SORT1: variants seen among roughly 807,000 people sequenced by gnomAD.
SORT1 encodes the protein sortilin.
SORT1 carries 39 observed loss-of-function variants against 101.7 expected under a neutral mutation model. The observed-to-expected ratio is 0.38, with a 90% CI of 0.30 to 0.50. SORT1 has a LOEUF of 0.50. Ranked by LOEUF, SORT1 falls within the 20% of genes least tolerant of loss-of-function variation. The pLI is 0.90. For missense variants in SORT1, 878 were observed against 1,040.4 expected (o/e 0.84, Z 2.15); for synonymous variants, 396 against 393.7 (o/e 1.01, Z -0.07).
chr1:109,366,992 G>A (rs1280606096), intron 3 of SORT1: 1 of 154,606 alleles, frequency 6.5e-6, no homozygotes, highest in African/African-American at 2.4e-5. Flanking sequence ...AGCACTTTTG[G>A]AGGCAGGTGG....
In SORT1 at chr1:109,324,895, T is replaced by C; in HGVS notation, c.1834+4A>G. The C allele has an allele frequency of 6.3e-7, 1 of 1,584,492 alleles. No individual in the cohort carries two copies. The highest frequency in any genetic ancestry group is 8.6e-7 in the Non-Finnish European group (1 of 1,157,594). Reference sequence around the variant, plus strand: ...TGGTAGAAAAGGTCAAAGGAGACACTCACAGTTCCTTTCAAGGATATCTTT... The same window carrying C: ...TGGTAGAAAAGGTCAAAGGAGACACCCACAGTTCCTTTCAAGGATATCTTT... On this transcript the variant is annotated splice_donor_region_variant and intron_variant, in intron 14 of 19. Transcript: ENST00000256637.
chr1:109,355,442 A>T lies in SORT1; in HGVS notation c.468T>A (p.Asp156Glu), dbSNP rs1330419948. Residue 156 changes from aspartate to glutamate, a missense_variant, in exon 4 of 20, where the codon GAT (aspartate) becomes GAA (glutamate). Transcript: ENST00000256637. ...RSEDYGKNFK[D>E]ITDLINNTFI... is the part of the protein sequence containing the mutation. ...AGGTGTTATTGATGAGATCTGTAAT[A>T]TCCTTAAAGTTCTTCCCATAATCCT... 3.1e-6 allele frequency: 5 copies of T among 1,597,656 alleles called. No homozygotes were observed. The highest frequency in any genetic ancestry group is 1.3e-5 in the African/African-American group (1 of 74,734).
intron 1 of SORT1, among the ~76,000 whole-genome samples, chr1:109,376,330 CAAA>C (rs35117356): frequency 8.5e-5 from 8 of 93,744 alleles, no homozygotes; most frequent in Non-Finnish European, 1.3e-4. Flanking sequence ...GACTCCATCT[CAAA>C]AAAAAAAAAA....
In SORT1 at chr1:109,342,138, G is replaced by A. The variant is rs765717842; in HGVS notation, c.984C>T (p.His328=). ...ATGTGTCCCCTTGATCTGTTGAAAC[G>A]TGGATCCTTCTTGTTGTATCCTAGA... ...MADKDTTRRI[H]VSTDQGDTWS... Residue 328 remains histidine (H), a synonymous_variant, in exon 9 of 20, where the codon CAC becomes CAT. Coordinates refer to ENST00000256637, the MANE Select transcript of SORT1 (RefSeq NM_002959.7). The A allele has an allele frequency of 3.1e-5, 50 of 1,612,422 alleles. No homozygotes were observed. The highest frequency in any genetic ancestry group is 4.1e-5 in the Non-Finnish European group (48 of 1,178,648).
At chr1:109,352,664 T>C (rs1650043847) in intron 5 of SORT1, among the ~76,000 whole-genome samples, 1 of 152,208 alleles carries the variant, frequency 6.6e-6, no homozygotes, top group Middle Eastern at 3.2e-3. Context: ...CATTTCTAAT[T>C]TACCTAATTC....
At chr1:109,393,293 A>T (rs920668284) in intron 1 of SORT1, 9 of 985,154 alleles carry the variant, frequency 9.1e-6, no homozygotes, top group Admixed American at 1.2e-4. Context: ...AGAAGTAGTT[A>T]GTGACAGGAG....
At position 109,347,480 on chromosome 1, in the gene SORT1, T is replaced by C; in HGVS notation, c.832+3A>G. ...TTATTTTCTGGGACTAAAATATACT[T>C]ACTGCAGGAGCCATTTGCATAGGTT... On this transcript the variant is annotated splice_donor_region_variant and intron_variant, in intron 7 of 19. Transcript: ENST00000256637. The C allele has an allele frequency of 6.2e-7, 1 of 1,602,740 alleles. No individual in the cohort carries two copies. The highest frequency in any genetic ancestry group is 8.5e-7 in the Non-Finnish European group (1 of 1,169,788).
chr1:109,366,480 T>C (rs951405764), intron 3 of SORT1, among the ~76,000 whole-genome samples: 2 of 152,226 alleles, frequency 1.3e-5, no homozygotes, highest in African/African-American at 4.8e-5. Flanking sequence ...CACAAATAAA[T>C]ATCCATATAA....
At chr1:109,374,050 C>G (rs1368518606) in intron 1 of SORT1, among the ~76,000 whole-genome samples, 1 of 152,152 alleles carries the variant, frequency 6.6e-6, no homozygotes, top group Non-Finnish European at 1.5e-5. Flanking sequence ...GATCATACCA[C>G]TGCACTCCAG....
In SORT1 at chr1:109,397,734, G is replaced by C. The variant is rs941935689; in HGVS notation, c.159C>G (p.Pro53=). Residue 53 remains proline, a synonymous_variant, in exon 1 of 20, where the codon CCC becomes CCG. Coordinates refer to ENST00000256637, the MANE Select transcript of SORT1 (RefSeq NM_002959.7). ...PAAPLPRWSG[P]IGVSWGLRAA... is the part of the protein sequence containing the mutation. ...CCCGCAGCCCCCAGCTCACCCCGAT[G>C]GGGCCAGACCAGCGCGGCAGCGGCG... 1 of 1,192,990 alleles carries C rather than the reference G, an allele frequency of 8.4e-7. No individual in the cohort carries two copies. The highest frequency in any genetic ancestry group is 4.7e-5 in the Admixed American group (1 of 21,056). 73.9% of individuals were successfully genotyped at this position (1,192,990 alleles called of 1,614,324 possible).
At chr1:109,345,471 C>T (rs1382952795) in intron 8 of SORT1, among the ~76,000 whole-genome samples, 2 of 151,470 alleles carry the variant, frequency 1.3e-5, no homozygotes, top group South Asian at 2.1e-4. Context: ...GCCGAGATTG[C>T]GTCACTGCAC....
intron 17 of SORT1, 63 bp from the exon 18 acceptor site, chr1:109,314,841 G>A (rs532598898): frequency 3.8e-5 from 32 of 843,956 alleles, no homozygotes; most frequent in East Asian, 1.8e-4. Flanking sequence ...CTGAGGTCAA[G>A]GCAGCCACTC....
At position 109,317,899 on chromosome 1, in the gene SORT1, G is replaced by A. The variant is rs775409345; in HGVS notation, c.2095C>T (p.Leu699=). 37 of 1,614,004 alleles carry A rather than the reference G, an allele frequency of 2.3e-5. No individual in the cohort carries two copies. Among genetic ancestry groups the A allele is most frequent in the Non-Finnish European group, 2.9e-5 (34 of 1,179,978 alleles). ...VEQPELKGHD[L]EFCLYGREEH... ...TCTCTTCCGTACAGACAAAACTCCA[G>A]GTCGTGGCCCTTCAGTTCTGGCTGT... is the stretch of plus-strand genomic sequence containing the variant. The change falls in exon 16 of 20, where the codon CTG becomes TTG. Residue 699 remains leucine, a synonymous_variant. Coordinates refer to ENST00000256637, the MANE Select transcript of SORT1 (RefSeq NM_002959.7).
intron 8 of SORT1, among the ~76,000 whole-genome samples, chr1:109,344,797 G>C (rs1041102462): frequency 1.3e-5 from 2 of 152,154 alleles, no homozygotes; most frequent in Non-Finnish European, 2.9e-5. Context: ...CCCAGGCTCA[G>C]ATGATCCTCC....
intron 1 of SORT1, among the ~76,000 whole-genome samples, chr1:109,386,699 ATTG>A (rs1652590641): frequency 6.6e-6 from 1 of 152,214 alleles, no homozygotes. Context: ...TTTTTAAATA[ATTG>A]TTAAAAGTTT....
Position 109,345,777 on chromosome 1 carries a change from G to C in SORT1, c.937C>G (p.Leu313Val), listed in dbSNP as rs377653401. 6.2e-7 allele frequency: 1 copy of C among 1,613,660 alleles called. No individual in the cohort carries two copies. Among genetic ancestry groups the C allele is most frequent in the Non-Finnish European group, 8.5e-7 (1 of 1,179,880 alleles). Residue 313 changes from leucine to valine, a missense_variant, in exon 8 of 20, where the codon CTT becomes GTT. By Grantham distance (32) the Leu-to-Val change is conservative. Transcript: ENST00000256637. ...TTATCAGCCATCACAGAGGCAAAAA[G>C]GAAACGTCCCCCAAGACCAAATGAG... ...IYSFGLGGRF[L>V]FASVMADKDT...
At chr1:109,392,061 T>G (rs532298564) in intron 1 of SORT1, among the ~76,000 whole-genome samples, 2 of 152,370 alleles carry the variant, frequency 1.3e-5, no homozygotes, top group Non-Finnish European at 2.9e-5. Flanking sequence ...TGGCTTTGTC[T>G]GCCTTAATAT....
In SORT1 at chr1:109,309,600, T is replaced by C. The variant is rs1658598996; in HGVS notation, c.*4443A>G. The C allele has an allele frequency of 6.6e-6, 1 of 152,240 alleles. No homozygotes were observed. Among genetic ancestry groups the C allele is most frequent in the Non-Finnish European group, 1.5e-5 (1 of 68,048 alleles). The allele number at this position is 152,240 out of a possible 1,614,324, so 9.4% of individuals were successfully genotyped here. A position where few individuals can be genotyped will look rare whatever the true frequency, so the allele number is the denominator to read the frequency against. ...TCAGGTAACAAAGTCCAGTCTGTTT[T>C]ATTTTTAACCCAAATATTCCAAATA... On this transcript the variant is annotated 3_prime_UTR_variant, in exon 20 of 20. Transcript: ENST00000256637.
rs752296574 is a variant in SORT1, at chr1:109,322,988, G to A, written c.1968C>T (p.Asp656=). Residue 656 remains aspartate, a synonymous_variant, in exon 15 of 20, where the codon GAC becomes GAT. Transcript: ENST00000256637. ...RKSSVCQNGR[D]YVVTKQPSIC... ...TGGAGGGCTGCTTGGTCACAACATA[G>A]TCTCGACCATTCTGACACACGGATG... 1.9e-6 allele frequency: 3 copies of A among 1,614,184 alleles called. No individual in the cohort carries two copies. Among genetic ancestry groups the A allele is most frequent in the Admixed American group, 3.3e-5 (2 of 60,028 alleles).
Sources: allele counts gnomAD v4.1 joint callset (sites outside exome capture counted in the v4.1 genomes callset), GRCh38; gene constraint gnomAD v4.1.1; transcripts MANE v1.5; gene names NCBI Gene and HGNC (gene_info 2026-07-23, HGNC 2026-07-21).